BORA: variants seen among roughly 807,000 people sequenced by gnomAD.
BORA encodes the protein BORA aurora kinase A activator.
BORA carries 26 observed loss-of-function variants against 55.8 expected under a neutral mutation model. The observed-to-expected ratio is 0.47, with a 90% CI of 0.34 to 0.65. BORA has a LOEUF of 0.65. BORA is among the 30% of genes least tolerant of loss of function. The pLI is 0.01. For missense variants in BORA, 568 were observed against 671.5 expected, an observed-to-expected ratio of 0.85 and a Z score of 1.70; for synonymous variants, 201 against 216.9, an observed-to-expected ratio of 0.93 and a Z score of 0.64.
At chr13:72,749,267 C>A (rs887596087) in intron 10 of BORA, among the ~76,000 whole-genome samples, 9 of 152,228 alleles carry the variant, frequency 5.9e-5, no homozygotes, top group African/African-American at 2.2e-4. Context: ...CTCTTTTTAT[C>A]CCCAACTCCC....
chr13:72,738,939 GAATTCAA>G (rs1332843535), intron 5 of BORA, among the ~76,000 whole-genome samples: 1 of 152,160 alleles, frequency 6.6e-6, no homozygotes, highest in Non-Finnish European at 1.5e-5. Context: ...GGGAAAACCT[GAATTCAA>G]AATTCTCAAA....
chr13:72,729,899 A>G (rs9318120), intron 2 of BORA, among the ~76,000 whole-genome samples: 133,501 of 152,028 alleles, frequency 0.88, 60,799 homozygotes, highest in Non-Finnish European at 0.99. Flanking sequence ...AGTACTTAGG[A>G]CAATAGTAAT....
chr13:72,745,201 A>C lies in BORA; in HGVS notation c.732A>C (p.Pro244=). The change falls in exon 8 of 12, where the codon CCA becomes CCC. Residue 244 remains proline (P), a synonymous_variant. Transcript: ENST00000390667. ...PVKCRSPLQT[P]SSGQFSSSPI... is the part of the protein sequence containing the mutation. ...AGTGTAGGAGCCCCTTGCAGACACCAAGTTCGGTGAGAAGTATACTAAAAA... is the reference window on the plus strand; with the variant it reads ...AGTGTAGGAGCCCCTTGCAGACACCCAGTTCGGTGAGAAGTATACTAAAAA... 3 of 1,612,440 alleles carry C rather than the reference A, an allele frequency of 1.9e-6. No individual in the cohort carries two copies. The highest frequency in any genetic ancestry group is 1.7e-4 in the Middle Eastern group (1 of 6,050).
chr13:72,752,116 A>G (rs1215255508), intron 10 of BORA: 1 of 152,208 alleles, frequency 6.6e-6, no homozygotes, highest in Non-Finnish European at 1.5e-5. Flanking sequence ...TAGAGACACC[A>G]TTTAAAGGCA....
At chr13:72,752,829 ACAGT>A (rs2033313700) in intron 10 of BORA, 1 of 152,178 alleles carries the variant, frequency 6.6e-6, no homozygotes, top group African/African-American at 2.4e-5. Flanking sequence ...AAACAAAATG[ACAGT>A]CAGCTTTTTC....
intron 5 of BORA, 28 bp from the exon 6 acceptor site, chr13:72,743,509 A>T (rs375808327): frequency 7.8e-6 from 12 of 1,542,232 alleles, no homozygotes; most frequent in Middle Eastern, 3.4e-4. Flanking sequence ...TATAAAACAT[A>T]GGATTTTTCA....
Position 72,746,764 on chromosome 13 carries a change from G to A in BORA, c.1135G>A (p.Asp379Asn), listed in dbSNP as rs376265700. 34 of 1,614,030 alleles carry A rather than the reference G, an allele frequency of 2.1e-5. No individual in the cohort carries two copies. The African/African-American group carries it at 3.6e-4, about 17-fold the overall frequency. The change falls in exon 10 of 12, where the codon GAT becomes AAT. Residue 379 changes from aspartate to asparagine, a missense_variant. Coordinates refer to ENST00000390667, the MANE Select transcript of BORA (RefSeq NM_024808.5). ...CACAGATGTCTCATCACCCGCCATG[G>A]ATGCTGCTGGAATACACCTACGGCA... ...PSTDVSSPAM[D>N]AAGIHLRQFS...
chr13:72,738,119 G>T, intron 5 of BORA, 76 bp downstream of exon 5: 1 of 976,138 alleles, frequency 1.0e-6, no homozygotes, highest in Non-Finnish European at 1.5e-6. Flanking sequence ...TGAAGTGCCA[G>T]TATATCTGCT....
chr13:72,739,583 T>G (rs1237944950), intron 5 of BORA, among the ~76,000 whole-genome samples: 2 of 152,190 alleles, frequency 1.3e-5, no homozygotes, highest in Admixed American at 1.3e-4. Flanking sequence ...CTGTCCAGTA[T>G]AGTAAAGATG....
chr13:72,737,124 G>A, intron 4 of BORA, among the ~76,000 whole-genome samples: 1 of 152,126 alleles, frequency 6.6e-6, no homozygotes, highest in African/African-American at 2.4e-5. Context: ...GGAAAACACT[G>A]TGGTAGAAAT....
intron 10 of BORA, chr13:72,752,022 T>C (rs1053052210): frequency 2.6e-5 from 4 of 152,244 alleles, no homozygotes; most frequent in Middle Eastern, 3.4e-3. Flanking sequence ...CTGTTGCCAA[T>C]TGAAAGTTTT....
chr13:72,738,946 A>G lies in BORA; in HGVS notation c.388+903A>G, dbSNP rs549620312. On this transcript the variant is annotated intron_variant, in intron 5 of 11. Coordinates refer to ENST00000390667, the MANE Select transcript of BORA (RefSeq NM_024808.5). ...ATAAAAGTGGGAAAACCTGAATTCA[A>G]AATTCTCAAATCAGATGCTGTATTC... Among the ~76,000 whole-genome samples the G allele has an allele frequency of 4.6e-5, 7 of 152,300 alleles. No individual in the cohort carries two copies. The East Asian group carries it at 9.7e-4, about 21-fold the overall frequency.
In BORA at chr13:72,727,934, G is replaced by T. The variant is rs1036461065; in HGVS notation, c.-89G>T. On this transcript the variant is annotated 5_prime_UTR_variant, in exon 1 of 12. It removes an upstream start codon present in the reference 5' UTR. Transcript: ENST00000390667. ...GGAAGCGGGGAGTTAAAGAGTCTAT[G>T]CCTGTCGTGGAAGCTGGCCTGGCCC... 2.2e-5 allele frequency: 34 copies of T among 1,550,518 alleles called. No homozygotes were observed. Among genetic ancestry groups the T allele is most frequent in the Admixed American group, 7.8e-5 (4 of 50,982 alleles).
intron 11 of BORA, chr13:72,754,305 CT>C (rs955339716): frequency 4.0e-5 from 6 of 151,102 alleles, no homozygotes; most frequent in East Asian, 4.0e-4. Context: ...TATGCCGTTT[CT>C]TTTTTTTCTT....
At chr13:72,741,504 G>T (rs988154701) in intron 5 of BORA, among the ~76,000 whole-genome samples, 14 of 151,922 alleles carry the variant, frequency 9.2e-5, no homozygotes, top group African/African-American at 3.1e-4. Context: ...ACATATTGTG[G>T]TTATATTGGT....
In BORA at chr13:72,743,548, A is replaced by T; in HGVS notation, c.400A>T (p.Asn134Tyr). 1 of 1,610,106 alleles carries T rather than the reference A, an allele frequency of 6.2e-7. No homozygotes were observed. The highest frequency in any genetic ancestry group is 8.5e-7 in the Non-Finnish European group (1 of 1,177,174). ...AAAATGTCTTACAGGCACTAACATA[A>T]ATAGTGACTCTCCAGTTGGAAAAAA... The part of the protein sequence containing the change: ...QCHSSKCTNI[N>Y]SDSPVGKKLT... Residue 134 changes from asparagine (N) to tyrosine (Y), a missense_variant, in exon 6 of 12, where the codon AAT (asparagine) becomes TAT (tyrosine). Transcript: ENST00000390667.
intron 8 of BORA, 77 bp from the exon 9 acceptor site, chr13:72,745,867 C>A: frequency 7.7e-7 from 1 of 1,299,532 alleles, no homozygotes; most frequent in Non-Finnish European, 1.0e-6. Flanking sequence ...GTTTTGAAGA[C>A]CATGATAAAT....
In BORA at chr13:72,731,822, G is replaced by C. The variant is rs1334996992; in HGVS notation, c.260+435G>C. On this transcript the variant is annotated intron_variant, in intron 3 of 11. Coordinates refer to ENST00000390667, the MANE Select transcript of BORA (RefSeq NM_024808.5). ...AAAACCCCCTCAAAGAGTTACGTAT[G>C]CACTGAATGGAAGGGTATCCATTAG... Among the ~76,000 whole-genome samples the C allele has an allele frequency of 3.3e-5, 5 of 152,182 alleles. No individual in the cohort carries two copies. In the East Asian group the frequency reaches 9.6e-4, roughly 29 times the overall value.
At chr13:72,738,244 AT>A (rs1157410004) in intron 5 of BORA, among the ~76,000 whole-genome samples, 2 of 152,110 alleles carry the variant, frequency 1.3e-5, no homozygotes, top group African/African-American at 2.4e-5. Flanking sequence ...TATACTCTGA[AT>A]TTAACTTTTT....
Sources: allele counts gnomAD v4.1 joint callset (sites outside exome capture counted in the v4.1 genomes callset), GRCh38; gene constraint gnomAD v4.1.1; transcripts MANE v1.5; gene names NCBI Gene and HGNC (gene_info 2026-07-23, HGNC 2026-07-21).